PITPNM3: variants seen among roughly 807,000 people sequenced by gnomAD.
PITPNM3 encodes the protein membrane-associated phosphatidylinositol transfer protein 3.
A neutral mutation model predicts 102.0 loss-of-function variants in PITPNM3; 26 were observed. The ratio of observed to expected loss-of-function variants is 0.25; its 90% CI spans 0.19 to 0.35. The LOEUF (loss-of-function observed/expected upper bound fraction) is 0.35, where lower values mean the gene tolerates loss of function less well. PITPNM3 is among the 10% of genes least tolerant of loss of function. The probability of loss-of-function intolerance (pLI) is 1.00; values close to 1 mark genes in which losing one functional copy is unlikely to be tolerated. For missense variants in PITPNM3, 1,083 were observed against 1,346.1 expected (o/e 0.80, Z 3.06); for synonymous variants, 578 against 558.6 (o/e 1.03, Z -0.49).
At chr17:6,483,459 C>G in intron 6 of PITPNM3, 58 bp downstream of exon 6, 1 of 1,512,438 alleles carries the variant, frequency 6.6e-7, no homozygotes, top group Non-Finnish European at 9.1e-7. Flanking sequence ...AGGGGGAGCC[C>G]CTCCACTTAG....
chr17:6,477,230 G>C lies in PITPNM3; in HGVS notation c.901-17C>G. 1 of 1,612,902 alleles carries C rather than the reference G, an allele frequency of 6.2e-7. No individual in the cohort carries two copies. Among genetic ancestry groups the C allele is most frequent in the Non-Finnish European group, 8.5e-7 (1 of 1,179,280 alleles). On this transcript the variant is annotated splice_polypyrimidine_tract_variant and intron_variant, in intron 8 of 19. Transcript: ENST00000262483. ...TGGGGTGTCCTTTGGGACCGAACAGGGGACAGGAGAGAAAAAGACTGTTGT... is the reference window on the plus strand; with the variant it reads ...TGGGGTGTCCTTTGGGACCGAACAGCGGACAGGAGAGAAAAAGACTGTTGT...
At position 6,464,648 on chromosome 17, in the gene PITPNM3, C is replaced by T. The variant is rs887326429; in HGVS notation, c.2007+7G>A. Reference sequence around the variant, plus strand: ...TGGCTGAGGAGGGGAGGCCCAGCCCCAGGTACCTTCTCTCCAGTCAGAGCC... The same window carrying T: ...TGGCTGAGGAGGGGAGGCCCAGCCCTAGGTACCTTCTCTCCAGTCAGAGCC... On this transcript the variant is annotated splice_region_variant and intron_variant, in intron 15 of 19. Transcript: ENST00000262483. The T allele has an allele frequency of 3.7e-6, 6 of 1,612,400 alleles. No individual in the cohort carries two copies. The highest frequency in any genetic ancestry group is 2.7e-5 in the African/African-American group (2 of 74,898).
intron 2 of PITPNM3, among the ~76,000 whole-genome samples, chr17:6,533,546 C>T (rs966709714): frequency 9.2e-5 from 14 of 151,930 alleles, no homozygotes; most frequent in African/African-American, 3.1e-4. Flanking sequence ...CCTCTGCCTC[C>T]TGGGTTCAAG....
At chr17:6,548,395 C>T (rs147316833) in intron 1 of PITPNM3, among the ~76,000 whole-genome samples, 4 of 152,104 alleles carry the variant, frequency 2.6e-5, no homozygotes, top group East Asian at 1.9e-4. Flanking sequence ...CACACACACC[C>T]GAACTGGGCA....
rs547941255 is a variant in PITPNM3, at chr17:6,556,042, C to G, written c.22+343G>C. Among the ~76,000 whole-genome samples, 3 of 152,256 alleles carry G rather than the reference C, an allele frequency of 2.0e-5. No individual in the cohort carries two copies. The highest frequency in any genetic ancestry group is 2.9e-5 in the Non-Finnish European group (2 of 67,994). ...GGACGAAGCGGCGGCCGCGGGACAT[C>G]CCCTTCGGTGGCGAAGCCCGGGTCT... On this transcript the variant is annotated intron_variant, in intron 1 of 19. Transcript: ENST00000262483. The surrounding 1 kb of genome is among the most constrained non-coding windows in gnomAD (Gnocchi z 5.2).
rs138682935 is a variant in PITPNM3, at chr17:6,469,617, C to A, written c.1773+643G>T. 7.9e-3 allele frequency among the ~76,000 whole-genome samples: 1,210 copies of A among 152,328 alleles called. 15 individuals carry two copies. Among genetic ancestry groups the A allele is most frequent in the African/African-American group, 0.028 (1,146 of 41,576 alleles). On this transcript the variant is annotated intron_variant, in intron 13 of 19. Transcript: ENST00000262483. This position sits in a 1 kb window ranked among gnomAD's most constrained non-coding sequence, Gnocchi z 4.0. ...TTGCCACTCTGTGGCACCTCCACCC[C>A]CTGTCCTACTCCAAGCCTCCTCTCT...
chr17:6,471,198 C>T lies in PITPNM3; in HGVS notation c.1587G>A (p.Glu529=). The T allele has an allele frequency of 6.2e-7, 1 of 1,613,144 alleles. No individual in the cohort carries two copies. Among genetic ancestry groups the T allele is most frequent in the Non-Finnish European group, 8.5e-7 (1 of 1,179,994 alleles). ...CCACGGGTGCCATGCTGTCCGAGGA[C>T]TCCGAGCTCTCGCTGTGGGAGCTCC... ...SEGSSHSESS[E]SSDSMAPVGA... is the part of the protein sequence containing the mutation. The change falls in exon 12 of 20, where the codon GAG becomes GAA. Residue 529 remains glutamate, a synonymous_variant. Transcript: ENST00000262483.
chr17:6,454,978 G>C lies in PITPNM3; in HGVS notation c.*360C>G. 1 of 297,740 alleles carries C rather than the reference G, an allele frequency of 3.4e-6. No individual in the cohort carries two copies. The highest frequency in any genetic ancestry group is 4.8e-5 in the Admixed American group (1 of 20,818). 18.4% of individuals were successfully genotyped at this position (297,740 alleles called of 1,614,324 possible). A position where few individuals can be genotyped will look rare whatever the true frequency, so the allele number is the denominator to read the frequency against. On this transcript the variant is annotated 3_prime_UTR_variant, in exon 20 of 20. Coordinates refer to ENST00000262483, the MANE Select transcript of PITPNM3 (RefSeq NM_031220.4). The stretch of plus-strand genomic sequence containing the variant: ...GCTGGGGCTGCCCCCTTGAGGGCCT[G>C]CCTAGCTCGCTGTGAAGCCTGGGGA...
At chr17:6,466,556 C>T (rs935014664) in intron 14 of PITPNM3, among the ~76,000 whole-genome samples, 1 of 152,132 alleles carries the variant, frequency 6.6e-6, no homozygotes, top group African/African-American at 2.4e-5. Context: ...CCCCGTCACA[C>T]CCACCGGGAT....
chr17:6,555,277 G>A (rs1448275389), intron 1 of PITPNM3, among the ~76,000 whole-genome samples: 1 of 152,198 alleles, frequency 6.6e-6, no homozygotes, highest in Non-Finnish European at 1.5e-5. Context: ...AATCTTACAG[G>A]CTCAGTGCCT....
At chr17:6,510,653 T>C (rs1170377736) in intron 3 of PITPNM3, among the ~76,000 whole-genome samples, 2 of 152,206 alleles carry the variant, frequency 1.3e-5, no homozygotes, top group Non-Finnish European at 2.9e-5. Context: ...GGAAGGAATG[T>C]ATGAGTGCAC....
intron 1 of PITPNM3, among the ~76,000 whole-genome samples, chr17:6,553,832 C>T (rs1295252462): frequency 6.6e-6 from 1 of 152,062 alleles, no homozygotes; most frequent in Non-Finnish European, 1.5e-5. Context: ...ACAGCCACCC[C>T]GCTCTCTATG....
chr17:6,484,550 G>C lies in PITPNM3; in HGVS notation c.275-258C>G, dbSNP rs114280918. Among the ~76,000 whole-genome samples, 338 of 152,354 alleles carry C rather than the reference G, an allele frequency of 2.2e-3. 1 individual carries two copies. Among genetic ancestry groups the C allele is most frequent in the African/African-American group, 5.4e-3 (223 of 41,578 alleles). On this transcript the variant is annotated intron_variant, in intron 4 of 19. Transcript: ENST00000262483. ...GCGGATGGTGCTCCTGAAAGGAGGG[G>C]CTTCCTCGAAAGGAACTAGCCTGCG...
chr17:6,476,891 T>TCTC, intron 9 of PITPNM3, 138 bp downstream of exon 9: 9 of 1,059,078 alleles, frequency 8.5e-6, no homozygotes, highest in Admixed American at 6.7e-5. Context: ...ACAGGGCCGA[T>TCTC]GGCGAGTGGC....
intron 3 of PITPNM3, among the ~76,000 whole-genome samples, chr17:6,512,710 A>G (rs1405502911): frequency 6.6e-6 from 1 of 152,168 alleles, no homozygotes; most frequent in African/African-American, 2.4e-5. Context: ...GGTAGGAAAA[A>G]ATAGCTCTCT....
chr17:6,550,122 G>A (rs1405872430), intron 1 of PITPNM3, among the ~76,000 whole-genome samples: 1 of 152,190 alleles, frequency 6.6e-6, no homozygotes, highest in African/African-American at 2.4e-5. Flanking sequence ...GGAAACTGAG[G>A]CCCAAAGAGG....
intron 6 of PITPNM3, among the ~76,000 whole-genome samples, chr17:6,483,153 C>T (rs1905844326): frequency 1.3e-5 from 2 of 152,012 alleles, no homozygotes; most frequent in Admixed American, 1.3e-4. Context: ...ACCATATTAG[C>T]CAGGATGGTC....
At chr17:6,549,203 C>A (rs973791846) in intron 1 of PITPNM3, among the ~76,000 whole-genome samples, 1 of 152,098 alleles carries the variant, frequency 6.6e-6, no homozygotes, top group African/African-American at 2.4e-5. Context: ...CCCCCCGCAG[C>A]CCCTTGCCAG....
At position 6,478,636 on chromosome 17, in the gene PITPNM3, G is replaced by C; in HGVS notation, c.688C>G (p.Gln230Glu). 6.2e-7 allele frequency: 1 copy of C among 1,613,996 alleles called. No homozygotes were observed. Among genetic ancestry groups the C allele is most frequent in the Non-Finnish European group, 8.5e-7 (1 of 1,179,976 alleles). Residue 230 changes from glutamine (Q) to glutamate (E), a missense_variant, in exon 7 of 20, where the codon CAG becomes GAG. Gln to Glu is a conservative substitution (Grantham distance 29, BLOSUM62 2). Transcript: ENST00000262483. This position sits in a 1 kb window ranked among gnomAD's most constrained non-coding sequence, Gnocchi z 4.4. The stretch of plus-strand genomic sequence containing the variant: ...TCGATGACGGTGGCGACAGCATCCT[G>C]GTACTGCGGGGAGGAGATGGCCAAC... ...PLLAISSPQYQDAVATVIERA... is the reference protein window; with the variant it reads ...PLLAISSPQYEDAVATVIERA...
Sources: allele counts gnomAD v4.1 joint callset (sites outside exome capture counted in the v4.1 genomes callset), GRCh38; gene constraint gnomAD v4.1.1; non-coding constraint Gnocchi (gnomAD v3.1); transcripts MANE v1.5; gene names NCBI Gene and HGNC (gene_info 2026-07-23, HGNC 2026-07-21).